The following GRM5 variants were observed in gnomAD, a reference collection of about 807,000 sequenced individuals.
The protein encoded by GRM5 is glutamate metabotropic receptor 5.
Under a neutral mutation model 83.1 loss-of-function variants are expected in GRM5, and 19 were observed. The ratio of observed to expected loss-of-function variants is 0.23; its 90% CI spans 0.16 to 0.34. The LOEUF (loss-of-function observed/expected upper bound fraction) is 0.34. Ranked by LOEUF, GRM5 falls within the 10% of genes least tolerant of loss-of-function variation. The probability of loss-of-function intolerance (pLI) is 1.00; values close to 1 mark genes in which losing one functional copy is unlikely to be tolerated. For synonymous variants in GRM5, 675 were observed against 633.6 expected (o/e 1.07, Z -0.98); for missense variants, 1,160 against 1,588.3 (o/e 0.73, Z 4.58).
At chr11:88,790,916 T>C (rs1304943305) in intron 3 of GRM5, among the ~76,000 whole-genome samples, 3 of 152,178 alleles carry the variant, frequency 2.0e-5, no homozygotes, top group African/African-American at 7.2e-5. Flanking sequence ...GGGGAGCCTC[T>C]GGAAATTTAT....
chr11:88,776,001 C>A (rs1031603374), intron 3 of GRM5, among the ~76,000 whole-genome samples: 4 of 152,000 alleles, frequency 2.6e-5, no homozygotes, highest in Admixed American at 6.6e-5. Context: ...TCCTTGTTAA[C>A]CTTCTGTCTT....
intron 2 of GRM5, among the ~76,000 whole-genome samples, chr11:89,042,503 A>G (rs1239994666): frequency 6.6e-6 from 1 of 152,236 alleles, no homozygotes; most frequent in Non-Finnish European, 1.5e-5. Flanking sequence ...CACAGTGTTA[A>G]CATTCTATGG....
chr11:88,922,716 C>G (rs1401441010), intron 2 of GRM5, among the ~76,000 whole-genome samples: 1 of 151,976 alleles, frequency 6.6e-6, no homozygotes, highest in African/African-American at 2.4e-5. Flanking sequence ...CCAAAGCAAA[C>G]ATGGACAAAG....
intron 2 of GRM5, among the ~76,000 whole-genome samples, chr11:88,907,073 T>A (rs949820230): frequency 1.3e-5 from 2 of 152,110 alleles, no homozygotes; most frequent in Non-Finnish European, 2.9e-5. Context: ...CCAAGTTCAA[T>A]TTCTCGGTGT....
intron 3 of GRM5, among the ~76,000 whole-genome samples, chr11:88,687,912 T>C (rs1940687944): frequency 6.6e-6 from 1 of 152,016 alleles, no homozygotes; most frequent in Non-Finnish European, 1.5e-5. Flanking sequence ...TCTGTTACAA[T>C]TGCAATCTTC....
chr11:89,015,142 C>T (rs1261362097), intron 2 of GRM5, among the ~76,000 whole-genome samples: 1 of 152,190 alleles, frequency 6.6e-6, no homozygotes, highest in Non-Finnish European at 1.5e-5. Context: ...GGACTCGTCA[C>T]TTAGCCTGGT....
chr11:88,813,527 T>G (rs1241982988), intron 3 of GRM5, among the ~76,000 whole-genome samples: 1 of 152,208 alleles, frequency 6.6e-6, no homozygotes, highest in Admixed American at 6.5e-5. Flanking sequence ...TGAAACATTT[T>G]GGGGCTCATG....
chr11:88,775,789 A>T (rs1942834093), intron 3 of GRM5, among the ~76,000 whole-genome samples: 1 of 152,192 alleles, frequency 6.6e-6, no homozygotes, highest in African/African-American at 2.4e-5. Flanking sequence ...ATTTGATTGC[A>T]CTGTGGTCTG....
chr11:88,616,375 T>C (rs1023196149), intron 4 of GRM5, among the ~76,000 whole-genome samples: 3 of 140,790 alleles, frequency 2.1e-5, no homozygotes, highest in African/African-American at 7.9e-5. Flanking sequence ...TTGGATAAGA[T>C]AGGGCTTTGG....
At chr11:88,521,855 T>G (rs1227847120) in intron 9 of GRM5, among the ~76,000 whole-genome samples, 2 of 152,216 alleles carry the variant, frequency 1.3e-5, no homozygotes, top group Non-Finnish European at 2.9e-5. Context: ...AGCATCTGTC[T>G]AAGGCCCTGC....
intron 3 of GRM5, among the ~76,000 whole-genome samples, chr11:88,668,109 C>T (rs61902928): frequency 0.12 from 18,168 of 151,702 alleles, 1,444 homozygotes; most frequent in Non-Finnish European, 0.18. Context: ...ATAGAAAAAT[C>T]CCTACATAAG....
intron 3 of GRM5, among the ~76,000 whole-genome samples, chr11:88,810,448 A>AAAGTAAT (rs1483970259): frequency 3.9e-5 from 6 of 152,120 alleles, no homozygotes; most frequent in African/African-American, 1.4e-4. Context: ...ATGAAGAAAC[A>AAAGTAAT]GCTGAGAAAA....
chr11:88,631,201 A>G (rs1269857570), intron 4 of GRM5, among the ~76,000 whole-genome samples: 1 of 152,226 alleles, frequency 6.6e-6, no homozygotes, highest in African/African-American at 2.4e-5. Flanking sequence ...GCTTTTTATA[A>G]TATCTTAGAG....
At chr11:89,034,314 A>C (rs1180349366) in intron 2 of GRM5, among the ~76,000 whole-genome samples, 1 of 151,920 alleles carries the variant, frequency 6.6e-6, no homozygotes, top group Non-Finnish European at 1.5e-5. Context: ...GGAATTACTT[A>C]CTACACCATC....
chr11:89,059,389 T>C (rs1199199040), intron 1 of GRM5, among the ~76,000 whole-genome samples: 5 of 152,184 alleles, frequency 3.3e-5, no homozygotes, highest in Admixed American at 6.5e-5. Context: ...TTCTTGAATA[T>C]ATGAGAAAAG....
intron 3 of GRM5, among the ~76,000 whole-genome samples, chr11:88,716,506 G>C (rs373066783): frequency 2.0e-5 from 3 of 151,784 alleles, no homozygotes; most frequent in Admixed American, 2.0e-4. Context: ...GCATTCCCTC[G>C]GCATTCTATG....
At position 88,653,361 on chromosome 11, in the gene GRM5, C is replaced by T. The variant is rs1246195922; in HGVS notation, c.954G>A (p.Gln318=). Residue 318 remains glutamine, a synonymous_variant, in exon 4 of 10, where the codon CAG becomes CAA. Transcript: ENST00000305447. The part of the protein sequence containing the change: ...ADRYDVTDGY[Q]REAVGGITIK... ...TTGTGATGCCACCAACAGCTTCTCG[C>T]TGATATCCATCTGTCACATCATACC... The T allele has an allele frequency of 1.2e-6, 2 of 1,612,808 alleles. No homozygotes were observed. The highest frequency in any genetic ancestry group is 1.7e-6 in the Non-Finnish European group (2 of 1,179,284).
At chr11:88,898,286 TTAA>T (rs1945265170) in intron 2 of GRM5, among the ~76,000 whole-genome samples, 1 of 151,876 alleles carries the variant, frequency 6.6e-6, no homozygotes, top group Admixed American at 6.6e-5. Flanking sequence ...ATAATAATAA[TTAA>T]TAATAATGTT....
At chr11:88,596,974 C>T (rs772061773) in intron 6 of GRM5, among the ~76,000 whole-genome samples, 1 of 152,056 alleles carries the variant, frequency 6.6e-6, no homozygotes, top group African/African-American at 2.4e-5. Flanking sequence ...TGTGGGCAAA[C>T]ATGACTCATC....
Sources: gnomAD v4.1 joint callset for allele counts (sites outside exome capture counted in the v4.1 genomes callset) on GRCh38, gnomAD v4.1.1 for gene constraint, MANE v1.5 for transcripts, NCBI Gene and HGNC (gene_info 2026-07-23, HGNC 2026-07-21) for gene names.